Variants in BRSK2 observed in about 807,000 individuals in gnomAD.
BRSK2 encodes serine/threonine-protein kinase BRSK2.
In BRSK2, 19 loss-of-function variants were observed where a neutral mutation model predicts 83.3. The ratio of observed to expected loss-of-function variants is 0.23; its 90% CI spans 0.16 to 0.33. The LOEUF is 0.33. Ranked by LOEUF, BRSK2 falls within the 10% of genes least tolerant of loss-of-function variation. BRSK2 has a pLI of 1.00. For missense variants in BRSK2, 798 were observed against 1,042.3 expected, an observed-to-expected ratio of 0.77 and a Z score of 3.23; for synonymous variants, 519 against 435.4, an observed-to-expected ratio of 1.19 and a Z score of -2.39.
chr11:1,400,675 T>C (rs1243345232), intron 1 of BRSK2, among the ~76,000 whole-genome samples: 1 of 151,968 alleles, frequency 6.6e-6, no homozygotes, highest in East Asian at 1.9e-4. Context: ...AGATGCCACA[T>C]GGGAGGAATG....
intron 15 of BRSK2, among the ~76,000 whole-genome samples, chr11:1,452,042 C>T (rs903638884): frequency 3.3e-5 from 5 of 152,252 alleles, no homozygotes; most frequent in East Asian, 1.9e-4. Context: ...GGAGACCAGG[C>T]GACTGGCGGT....
At chr11:1,407,561 G>A (rs778291284) in intron 1 of BRSK2, among the ~76,000 whole-genome samples, 5 of 152,136 alleles carry the variant, frequency 3.3e-5, no homozygotes, top group Non-Finnish European at 5.9e-5. Context: ...CCCCACCTCT[G>A]CAGGGGTTCT....
chr11:1,401,219 T>G (rs1564795044), intron 1 of BRSK2, among the ~76,000 whole-genome samples: 1 of 152,222 alleles, frequency 6.6e-6, no homozygotes, highest in Non-Finnish European at 1.5e-5. Flanking sequence ...ACCTGGCCTG[T>G]GTCCTCAGCA....
chr11:1,449,501 C>T (rs766025400), intron 12 of BRSK2, among the ~76,000 whole-genome samples: 18 of 152,298 alleles, frequency 1.2e-4, no homozygotes, highest in African/African-American at 2.2e-4. Context: ...TCCTTTGCCG[C>T]GGCTGTCTGA....
chr11:1,451,927 G>A (rs552786694), intron 15 of BRSK2, among the ~76,000 whole-genome samples: 16 of 152,052 alleles, frequency 1.1e-4, no homozygotes, highest in African/African-American at 9.7e-5. Context: ...CCTGGGGGCC[G>A]CTGTGACTGG....
intron 1 of BRSK2, among the ~76,000 whole-genome samples, chr11:1,434,463 G>A (rs1200946469): frequency 2.7e-5 from 4 of 147,252 alleles, no homozygotes; most frequent in African/African-American, 7.6e-5. Flanking sequence ...CAGGATCTGC[G>A]TGTCTGGGGG....
At chr11:1,397,114 G>A (rs1019539926) in intron 1 of BRSK2, among the ~76,000 whole-genome samples, 6 of 152,346 alleles carry the variant, frequency 3.9e-5, no homozygotes, top group African/African-American at 1.4e-4. Context: ...TCTGTGCAGG[G>A]CAGCCCCGCT....
chr11:1,448,532 T>A (rs1279304764), intron 12 of BRSK2, among the ~76,000 whole-genome samples: 1 of 152,154 alleles, frequency 6.6e-6, no homozygotes, highest in Non-Finnish European at 1.5e-5. Flanking sequence ...GGACCAGGGC[T>A]CGGCCCCTCC....
Position 1,390,362 on chromosome 11 carries a change from C to A in BRSK2, c.78C>A (p.Gly26=). 1 of 1,032,582 alleles carries A rather than the reference C, an allele frequency of 9.7e-7. No individual in the cohort carries two copies. Among genetic ancestry groups the A allele is most frequent in the Non-Finnish European group, 1.2e-6 (1 of 851,972 alleles). The allele number at this position is 1,032,582 out of a possible 1,614,324, so 64.0% of individuals were successfully genotyped here. A position where few individuals can be genotyped will look rare whatever the true frequency, so the allele number is the denominator to read the frequency against. Residue 26 remains glycine (G), a synonymous_variant, in exon 1 of 20, where the codon GGC becomes GGA. Transcript: ENST00000528841. The surrounding 1 kb of genome is among the most constrained non-coding windows in gnomAD (Gnocchi z 6.8). Reference sequence around the variant, plus strand: ...CCTACCGGCTGGAGAAGACGCTGGGCAAGGGGCAGACAGGTGCGTGCGGCC... The same window carrying A: ...CCTACCGGCTGGAGAAGACGCTGGGAAAGGGGCAGACAGGTGCGTGCGGCC... The part of the protein sequence containing the change: ...VGPYRLEKTL[G]KGQTGLVKLG...
chr11:1,399,584 C>T (rs1168441979), intron 1 of BRSK2, among the ~76,000 whole-genome samples: 1 of 152,078 alleles, frequency 6.6e-6, no homozygotes, highest in Non-Finnish European at 1.5e-5. Context: ...CAGGGCCGCA[C>T]AGTCCCTCGG....
chr11:1,419,460 T>A (rs1219288501), intron 1 of BRSK2, among the ~76,000 whole-genome samples: 1 of 152,282 alleles, frequency 6.6e-6, no homozygotes, highest in East Asian at 1.9e-4. Flanking sequence ...TTTCTCATTT[T>A]TTCAGTCCTT....
At chr11:1,427,931 G>A (rs747662644) in intron 1 of BRSK2, among the ~76,000 whole-genome samples, 2 of 152,220 alleles carry the variant, frequency 1.3e-5, no homozygotes, top group East Asian at 1.9e-4. Flanking sequence ...AGAGAAACTC[G>A]GAGCTGAGGG....
At chr11:1,400,990 A>G (rs74046935) in intron 1 of BRSK2, among the ~76,000 whole-genome samples, 41,359 of 152,168 alleles carry the variant, frequency 0.27, 5,916 homozygotes, top group African/African-American at 0.3. Flanking sequence ...CCTGGCCTCA[A>G]TGCGGGGCAT....
At chr11:1,435,848 G>T (rs1850234438) in intron 1 of BRSK2, among the ~76,000 whole-genome samples, 192 bp from the exon 2 acceptor site, 1 of 151,796 alleles carries the variant, frequency 6.6e-6, no homozygotes, top group African/African-American at 2.4e-5. Context: ...ACACAGCTTT[G>T]CAGGGGCAGC....
intron 1 of BRSK2, among the ~76,000 whole-genome samples, chr11:1,417,041 C>T (rs950503575): frequency 2.0e-5 from 3 of 152,100 alleles, no homozygotes; most frequent in Non-Finnish European, 2.9e-5. Flanking sequence ...CACCTGTAAT[C>T]CCAGCCACTC....
rs187095994 is a variant in BRSK2 at position 1,452,094 on chromosome 11, G to A, written c.1544+675G>A. Among the ~76,000 whole-genome samples the A allele has an allele frequency of 1.5e-3, 232 of 152,296 alleles. 3 individuals are homozygous for A. Among genetic ancestry groups the A allele is most frequent in the Admixed American group, 0.012 (183 of 15,300 alleles). ...GCAGCGTGACCCCAGGCCAGGCAGC[G>A]GCAGAGAGCGGCGGTCAGGCTGGAG... On this transcript the variant is annotated intron_variant, in intron 15 of 19. Transcript: ENST00000528841.
Position 1,456,584 on chromosome 11 carries a change from C to T in BRSK2, c.1850-14C>T. On this transcript the variant is annotated splice_polypyrimidine_tract_variant and intron_variant, in intron 17 of 19. Transcript: ENST00000528841. ...CCCAGGCCCGTCCAGGGCATAACCC[C>T]CTGTCTCCCCTAGGCCCCAGCCGTC... 1 of 1,609,258 alleles carries T rather than the reference C, an allele frequency of 6.2e-7. No individual in the cohort carries two copies. The highest frequency in any genetic ancestry group is 8.5e-7 in the Non-Finnish European group (1 of 1,178,554).
chr11:1,455,479 C>T (rs1347829344), intron 16 of BRSK2, among the ~76,000 whole-genome samples: 1 of 152,112 alleles, frequency 6.6e-6, no homozygotes, highest in Non-Finnish European at 1.5e-5. Context: ...ACCATATGCT[C>T]TGCCCCCGGG....
chr11:1,428,742 G>A (rs919954563), intron 1 of BRSK2, among the ~76,000 whole-genome samples: 6 of 152,260 alleles, frequency 3.9e-5, no homozygotes, highest in Non-Finnish European at 8.8e-5. Flanking sequence ...TTGTACGTAT[G>A]TGTGCATGAT....
Sources: allele counts gnomAD v4.1 joint callset (sites outside exome capture counted in the v4.1 genomes callset), GRCh38; gene constraint gnomAD v4.1.1; non-coding constraint Gnocchi (gnomAD v3.1); transcripts MANE v1.5; gene names NCBI Gene and HGNC (gene_info 2026-07-23, HGNC 2026-07-21).